The following TMEM161B variants were observed in gnomAD, a reference collection of about 807,000 sequenced individuals.
TMEM161B encodes transmembrane protein 161B.
A neutral mutation model predicts 61.8 loss-of-function variants in TMEM161B; 34 were observed. The ratio of observed to expected loss-of-function variants is 0.55; its 90% confidence interval spans 0.42 to 0.73. The LOEUF is 0.73. Among genes scored for constraint, TMEM161B ranks in the 30% least tolerant of loss-of-function variants. The pLI is 0.00. For synonymous variants in TMEM161B, 167 were observed against 192.8 expected, an observed-to-expected ratio of 0.87 and a Z score of 1.11; for missense variants, 456 against 558.5, an observed-to-expected ratio of 0.82 and a Z score of 1.85.
chr5:88,214,588 T>C (rs1461836104), intron 5 of TMEM161B, among the ~76,000 whole-genome samples: 1 of 152,198 alleles, frequency 6.6e-6, no homozygotes, highest in Non-Finnish European at 1.5e-5. Flanking sequence ...ATACACTTCA[T>C]ATCCATAAAA....
chr5:88,248,474 A>G (rs1289768941), intron 1 of TMEM161B, among the ~76,000 whole-genome samples: 1 of 152,074 alleles, frequency 6.6e-6, no homozygotes, highest in Non-Finnish European at 1.5e-5. Context: ...CCCCAAAAGT[A>G]AAAAAAGTCA....
intron 4 of TMEM161B, among the ~76,000 whole-genome samples, chr5:88,224,523 C>T (rs1222253974): frequency 6.6e-6 from 1 of 152,024 alleles, no homozygotes; most frequent in African/African-American, 2.4e-5. Flanking sequence ...ACTAAATGAC[C>T]TATTTGGAAA....
intron 1 of TMEM161B, among the ~76,000 whole-genome samples, chr5:88,247,778 T>A (rs1753804241): frequency 1.3e-5 from 2 of 152,032 alleles, no homozygotes; most frequent in South Asian, 4.1e-4. Context: ...AACTACCCGG[T>A]TACTGATGTA....
intron 2 of TMEM161B, among the ~76,000 whole-genome samples, chr5:88,229,514 A>G (rs969118872): frequency 6.6e-6 from 1 of 151,332 alleles, no homozygotes; most frequent in Admixed American, 6.6e-5. Context: ...ATCTTACAGA[A>G]AGGTGGACCA....
downstream of TMEM161B, among the ~76,000 whole-genome samples, chr5:88,187,425 C>A (rs972470365): frequency 4.0e-5 from 6 of 151,454 alleles, no homozygotes; most frequent in Non-Finnish European, 7.4e-5. Flanking sequence ...ATTTATATAA[C>A]ATTTATACAA....
At chr5:88,238,162 T>G (rs763838227) in intron 2 of TMEM161B, among the ~76,000 whole-genome samples, 1 of 152,136 alleles carries the variant, frequency 6.6e-6, no homozygotes, top group Non-Finnish European at 1.5e-5. Flanking sequence ...TTATAGTGTA[T>G]GTTTTTAACT....
intron 1 of TMEM161B, among the ~76,000 whole-genome samples, chr5:88,246,174 C>A (rs1753592441): frequency 6.6e-6 from 1 of 151,672 alleles, no homozygotes; most frequent in African/African-American, 2.4e-5. Context: ...TTTCCCAAAA[C>A]ATCATCTGAA....
At position 88,240,757 on chromosome 5, in the gene TMEM161B, G is replaced by C. The variant is rs546717849; in HGVS notation, c.107+56C>G. On this transcript the variant is annotated intron_variant, in intron 2 of 11. Transcript: ENST00000296595. ...GAAACAGTAACTAGGAATTTAATCA[G>C]TTTGGTAAACTAGAGATTGAAAGTG... 15 of 1,308,020 alleles carry C rather than the reference G, an allele frequency of 1.1e-5. No individual in the cohort carries two copies. In the Admixed American group the frequency reaches 2.0e-4, roughly 18 times the overall value. 81.0% of individuals were successfully genotyped at this position (1,308,020 alleles called of 1,614,324 possible).
At chr5:88,232,720 C>T (rs1181563764) in intron 2 of TMEM161B, among the ~76,000 whole-genome samples, 7 of 152,100 alleles carry the variant, frequency 4.6e-5, no homozygotes, top group African/African-American at 4.8e-5. Context: ...ACTACTAGCG[C>T]CCGCCACCAT....
intron 9 of TMEM161B, 127 bp from the exon 10 acceptor site, chr5:88,199,277 A>C (rs1239921129): frequency 1.2e-6 from 1 of 845,392 alleles, no homozygotes; most frequent in Non-Finnish European, 1.8e-6. Flanking sequence ...CACATAAAAG[A>C]ATCTGACTCT....
At chr5:88,187,939 C>A (rs1748455757), downstream of TMEM161B, among the ~76,000 whole-genome samples, 1 of 152,012 alleles carries the variant, frequency 6.6e-6, no homozygotes, top group Non-Finnish European at 1.5e-5. Context: ...ATGTCATGTT[C>A]TTTACCTTTC....
intron 11 of TMEM161B, among the ~76,000 whole-genome samples, chr5:88,197,293 C>G (rs919971604): frequency 6.6e-6 from 1 of 152,114 alleles, no homozygotes; most frequent in African/African-American, 2.4e-5. Context: ...CCATAGCATT[C>G]TGTAATTTAT....
At position 88,202,862 on chromosome 5, in the gene TMEM161B, T is replaced by C. The variant is rs1744680211; in HGVS notation, c.914+100A>G. 6 of 815,064 alleles carry C rather than the reference T, an allele frequency of 7.4e-6. No homozygotes were observed. The Admixed American group carries it at 8.3e-5, about 11-fold the overall frequency. The allele number at this position is 815,064 out of a possible 1,614,324, so 50.5% of individuals were successfully genotyped here. On this transcript the variant is annotated intron_variant, in intron 9 of 11. Transcript: ENST00000296595. ...AGCATTCCTATTAATGTCTGAAAAATACAGTGTCCTGATTTTATCACTGAA... is the reference window on the plus strand; with the variant it reads ...AGCATTCCTATTAATGTCTGAAAAACACAGTGTCCTGATTTTATCACTGAA...
Position 88,215,042 on chromosome 5 carries a change from A to AG in TMEM161B, c.446+5520dup, listed in dbSNP as rs1243170031. 5.9e-5 allele frequency among the ~76,000 whole-genome samples: 9 copies of AG among 152,328 alleles called. No individual in the cohort carries two copies. In the South Asian group the frequency reaches 1.5e-3, roughly 25 times the overall value. ...GTCTTATGTATGTCACATATCAGTG[A>AG]GGGGGGAAAGACAACAAAATGACCA... On this transcript the variant is annotated intron_variant, in intron 5 of 11. Coordinates refer to ENST00000296595, the MANE Select transcript of TMEM161B (RefSeq NM_153354.5).
At chr5:88,268,586 G>A in intron 1 of TMEM161B, 135 bp downstream of exon 1, 1 of 1,193,408 alleles carries the variant, frequency 8.4e-7, no homozygotes, top group Non-Finnish European at 1.2e-6. Flanking sequence ...GATAGGTGGT[G>A]GGTCCTACCC....
At chr5:88,227,531 T>A (rs1561368863) in intron 3 of TMEM161B, among the ~76,000 whole-genome samples, 1 of 152,208 alleles carries the variant, frequency 6.6e-6, no homozygotes, top group East Asian at 1.9e-4. Context: ...AATAGTCCAA[T>A]GAGCTTCCAG....
chr5:88,254,033 A>C (rs756900942), intron 1 of TMEM161B, among the ~76,000 whole-genome samples: 44 of 151,898 alleles, frequency 2.9e-4, no homozygotes, highest in Non-Finnish European at 4.6e-4. Context: ...AGAGAAATGT[A>C]CATGCTTGAA....
intron 1 of TMEM161B, among the ~76,000 whole-genome samples, chr5:88,261,667 G>A (rs1244623088): frequency 8.0e-6 from 1 of 125,082 alleles, no homozygotes; most frequent in Non-Finnish European, 1.7e-5. Flanking sequence ...GCAATACAAT[G>A]GAGAAAAAAA....
At chr5:88,209,868 C>T (rs1746360876) in intron 5 of TMEM161B, among the ~76,000 whole-genome samples, 3 of 152,168 alleles carry the variant, frequency 2.0e-5, no homozygotes, top group African/African-American at 7.2e-5. Context: ...CTGAACTCTT[C>T]CCTCCTCCTA....
Sources: allele counts gnomAD v4.1 joint callset (sites outside exome capture counted in the v4.1 genomes callset), GRCh38; gene constraint gnomAD v4.1.1; transcripts MANE v1.5; gene names NCBI Gene and HGNC (gene_info 2026-07-23, HGNC 2026-07-21).